Variants in TMEM132D observed in about 807,000 individuals in gnomAD.
TMEM132D encodes the protein transmembrane protein 132D, also known as mature OL transmembrane protein.
Under a neutral mutation model 62.3 loss-of-function variants are expected in TMEM132D, and 21 were observed. That is an observed-to-expected ratio of 0.34 (90% confidence interval 0.24 to 0.49). The LOEUF is 0.49. Ranked by LOEUF, TMEM132D falls within the 20% of genes least tolerant of loss-of-function variation. The pLI is 0.99. For missense variants in TMEM132D, 1,346 were observed against 1,402.8 expected (o/e 0.96, Z 0.65); for synonymous variants, 621 against 575.6 (o/e 1.08, Z -1.13).
intron 3 of TMEM132D, among the ~76,000 whole-genome samples, chr12:129,526,732 G>A (rs1458696607): frequency 1.3e-5 from 2 of 152,240 alleles, no homozygotes; most frequent in Non-Finnish European, 2.9e-5. Flanking sequence ...GTTGAAAAGA[G>A]CTTCCAGGAA....
chr12:129,613,924 C>T (rs1404581458), intron 2 of TMEM132D, among the ~76,000 whole-genome samples: 2 of 151,608 alleles, frequency 1.3e-5, no homozygotes, highest in Admixed American at 6.6e-5. Context: ...ACCCAGAGTA[C>T]TGTCTGCAGA....
intron 6 of TMEM132D, among the ~76,000 whole-genome samples, chr12:129,082,914 G>C (rs557877662): frequency 1.3e-5 from 2 of 151,960 alleles, no homozygotes; most frequent in East Asian, 1.9e-4. Flanking sequence ...ATTTTATGTA[G>C]AGATGTGGTC....
chr12:129,426,173 C>T (rs544348069), intron 3 of TMEM132D, among the ~76,000 whole-genome samples: 2 of 152,266 alleles, frequency 1.3e-5, no homozygotes, highest in East Asian at 3.9e-4. Flanking sequence ...CTCTTCATGT[C>T]CTGCTGTCTT....
intron 3 of TMEM132D, among the ~76,000 whole-genome samples, chr12:129,404,647 AGTG>A (rs1453827997): frequency 1.3e-5 from 2 of 152,164 alleles, no homozygotes; most frequent in African/African-American, 4.8e-5. Context: ...ACACGGTGAG[AGTG>A]GGAACAAGGG....
intron 3 of TMEM132D, among the ~76,000 whole-genome samples, chr12:129,456,770 C>G (rs7311092): frequency 0.19 from 28,182 of 152,212 alleles, 2,702 homozygotes; most frequent in Middle Eastern, 0.24. Flanking sequence ...CCTCTACGAG[C>G]TGCATCTCTC....
chr12:129,363,649 C>T (rs1870319987), intron 3 of TMEM132D, among the ~76,000 whole-genome samples: 1 of 152,068 alleles, frequency 6.6e-6, no homozygotes, highest in Admixed American at 6.5e-5. Context: ...TGTTAAATTC[C>T]CAAGTGAAAA....
At chr12:129,337,473 A>ACACACACG (rs397935392) in intron 4 of TMEM132D, among the ~76,000 whole-genome samples, 161 bp downstream of exon 4, 1 of 149,374 alleles carries the variant, frequency 6.7e-6, no homozygotes, top group Non-Finnish European at 1.5e-5. Context: ...ACACACACAC[A>ACACACACG]TAACGATTGG....
At chr12:129,522,930 GATATATATGTAGACATAGATTAT>G (rs1875895757) in intron 3 of TMEM132D, among the ~76,000 whole-genome samples, 1 of 139,904 alleles carries the variant, frequency 7.1e-6, no homozygotes, top group African/African-American at 2.7e-5. Context: ...ACATAGATTA[GATATATATGTAGACATAGATTAT>G]ATATATATAT....
At chr12:129,408,671 C>T (rs529746769) in intron 3 of TMEM132D, among the ~76,000 whole-genome samples, 6 of 151,634 alleles carry the variant, frequency 4.0e-5, no homozygotes, top group South Asian at 2.1e-4. Context: ...TTCTGGGTCA[C>T]GAACCTATTT....
chr12:129,412,719 G>C (rs1014189639), intron 3 of TMEM132D, among the ~76,000 whole-genome samples: 7 of 152,130 alleles, frequency 4.6e-5, no homozygotes, highest in African/African-American at 9.7e-5. Context: ...TGGGTGTGGT[G>C]GTGGGCACCT....
chr12:129,635,375 A>G (rs1278239989), intron 2 of TMEM132D, among the ~76,000 whole-genome samples: 1 of 152,256 alleles, frequency 6.6e-6, no homozygotes, highest in East Asian at 1.9e-4. Flanking sequence ...GACAAAAGAA[A>G]TGGCAAGGAG....
chr12:129,139,645 C>T (rs1270378319), intron 5 of TMEM132D, among the ~76,000 whole-genome samples: 2 of 152,200 alleles, frequency 1.3e-5, no homozygotes, highest in African/African-American at 4.8e-5. Context: ...CTTTACACAC[C>T]TATTTTATTA....
intron 1 of TMEM132D, among the ~76,000 whole-genome samples, chr12:129,765,706 C>T (rs1593153299): frequency 6.6e-6 from 1 of 152,268 alleles, no homozygotes; most frequent in South Asian, 2.1e-4. Context: ...GTTTCAATAT[C>T]ACCCATCTAT....
intron 5 of TMEM132D, among the ~76,000 whole-genome samples, chr12:129,122,813 T>G: frequency 6.6e-6 from 1 of 152,230 alleles, no homozygotes; most frequent in East Asian, 1.9e-4. Context: ...TTTAAATGCC[T>G]TACTTATTTG....
At chr12:129,695,239 G>A (rs562669405) in intron 2 of TMEM132D, among the ~76,000 whole-genome samples, 1 of 152,128 alleles carries the variant, frequency 6.6e-6, no homozygotes, top group Non-Finnish European at 1.5e-5. Context: ...AGCCAAGGGG[G>A]GCAGCAGATA....
At position 129,242,997 on chromosome 12, in the gene TMEM132D, T is replaced by G. The variant is rs140955489; in HGVS notation, c.1300-33334A>C. Among the ~76,000 whole-genome samples the G allele has an allele frequency of 5.9e-5, 8 of 135,772 alleles. No homozygotes were observed. In the East Asian group the frequency reaches 1.6e-3, roughly 27 times the overall value. The allele number at this position is 135,772 out of a possible 152,430, so 89.1% of individuals were successfully genotyped here. A position where few individuals can be genotyped will look rare whatever the true frequency, so the allele number is the denominator to read the frequency against. ...TGCCTGCTCCCACATCTTGTCTGTT[T>G]ATGTCATTGCTAATGGATCCCATTT... is the stretch of plus-strand genomic sequence containing the variant. On this transcript the variant is annotated intron_variant, in intron 4 of 8. Transcript: ENST00000422113.
chr12:129,540,221 C>T (rs987243137), intron 2 of TMEM132D, among the ~76,000 whole-genome samples: 1 of 152,122 alleles, frequency 6.6e-6, no homozygotes, highest in Admixed American at 6.5e-5. Flanking sequence ...CGAGGCCAGG[C>T]ATTCCTACAG....
chr12:129,666,986 T>C (rs546087896), intron 2 of TMEM132D, among the ~76,000 whole-genome samples: 4 of 116,786 alleles, frequency 3.4e-5, no homozygotes, highest in African/African-American at 9.1e-5. Context: ...CAAAAAGGGT[T>C]TGTAAAGGGT....
intron 1 of TMEM132D, among the ~76,000 whole-genome samples, chr12:129,763,896 G>A (rs969269986): frequency 1.1e-4 from 17 of 152,280 alleles, no homozygotes; most frequent in African/African-American, 3.1e-4. Flanking sequence ...ATTAAGAATC[G>A]AGAGGTGCCC....
Sources: gnomAD v4.1 joint callset for allele counts (sites outside exome capture counted in the v4.1 genomes callset) on GRCh38, gnomAD v4.1.1 for gene constraint, MANE v1.5 for transcripts, NCBI Gene and HGNC (gene_info 2026-07-23, HGNC 2026-07-21) for gene names.